PPHLN1: variants seen among roughly 807,000 people sequenced by gnomAD.
The protein encoded by PPHLN1 is periphilin 1.
PPHLN1 carries 29 observed loss-of-function variants against 51.3 expected under a neutral mutation model. The observed-to-expected ratio is 0.57, with a 90% CI of 0.42 to 0.77. PPHLN1 has a LOEUF of 0.77. Among genes scored for constraint, PPHLN1 ranks in the 30% least tolerant of loss-of-function variants. PPHLN1 has a pLI of 0.00. For missense variants in PPHLN1, 436 were observed against 438.4 expected, an observed-to-expected ratio of 0.99 and a Z score of 0.05; for synonymous variants, 147 against 147.8, an observed-to-expected ratio of 0.99 and a Z score of 0.04.
At chr12:42,414,896 G>C (rs1023230045) in intron 9 of PPHLN1, among the ~76,000 whole-genome samples, 1 of 151,934 alleles carries the variant, frequency 6.6e-6, no homozygotes, top group African/African-American at 2.4e-5. Flanking sequence ...ATTGTTTATC[G>C]CTCATGTTAT....
intron 9 of PPHLN1, among the ~76,000 whole-genome samples, chr12:42,409,546 A>T (rs948675414): frequency 6.6e-6 from 1 of 152,148 alleles, no homozygotes; most frequent in Non-Finnish European, 1.5e-5. Context: ...TATTTTAATC[A>T]TACAATCCCC....
chr12:42,435,810 G>A (rs899972939), intron 9 of PPHLN1, among the ~76,000 whole-genome samples: 6 of 151,924 alleles, frequency 3.9e-5, no homozygotes, highest in African/African-American at 1.5e-4. Context: ...TAATTTACTA[G>A]ATCACCACTT....
chr12:42,432,434 G>A (rs978611278), intron 9 of PPHLN1: 2 of 758,052 alleles, frequency 2.6e-6, no homozygotes, highest in Non-Finnish European at 4.9e-6. Context: ...AAATACAAAT[G>A]GAATCATACT....
At chr12:42,376,309 G>A (rs2076259941) in intron 5 of PPHLN1, among the ~76,000 whole-genome samples, 1 of 152,102 alleles carries the variant, frequency 6.6e-6, no homozygotes, top group Non-Finnish European at 1.5e-5. Context: ...TGAAAGTGAT[G>A]GAAAACCATT....
intron 9 of PPHLN1, among the ~76,000 whole-genome samples, chr12:42,417,748 T>TGAG (rs2080528028): frequency 6.6e-6 from 1 of 152,108 alleles, no homozygotes; most frequent in Non-Finnish European, 1.5e-5. Context: ...TCTTTTACTT[T>TGAG]TTAACTCAGT....
intron 1 of PPHLN1, among the ~76,000 whole-genome samples, chr12:42,329,106 T>TG (rs1205053856): frequency 1.2e-3 from 169 of 139,632 alleles, no homozygotes; most frequent in African/African-American, 2.7e-3. Flanking sequence ...TTTTTTTTTT[T>TG]TTTGTGTGTG....
At chr12:42,340,710 A>G (rs963742722) in intron 2 of PPHLN1, among the ~76,000 whole-genome samples, 4 of 152,224 alleles carry the variant, frequency 2.6e-5, no homozygotes, top group African/African-American at 7.2e-5. Flanking sequence ...TGCGCTGGGA[A>G]TATTCTCTTT....
At chr12:42,383,723 G>A (rs952822047) in intron 5 of PPHLN1, among the ~76,000 whole-genome samples, 6 of 152,172 alleles carry the variant, frequency 3.9e-5, no homozygotes, top group Admixed American at 3.9e-4. Flanking sequence ...GCTCACGCCT[G>A]TAATCCCAGC....
intron 1 of PPHLN1, among the ~76,000 whole-genome samples, chr12:42,332,143 AC>A (rs1346854492): frequency 6.6e-6 from 1 of 152,154 alleles, no homozygotes; most frequent in Non-Finnish European, 1.5e-5. Context: ...GGTCAAGGCT[AC>A]AGTGAGGTGT....
At chr12:42,371,272 A>T (rs1198402506) in intron 4 of PPHLN1, among the ~76,000 whole-genome samples, 3 of 151,666 alleles carry the variant, frequency 2.0e-5, no homozygotes, top group Non-Finnish European at 2.9e-5. Context: ...AGTGGGTGCC[A>T]CCTCGCTCAG....
downstream of PPHLN1, chr12:42,443,761 C>G (rs1415711155): frequency 6.6e-6 from 1 of 152,152 alleles, no homozygotes; most frequent in African/African-American, 2.4e-5. Context: ...CTATGGGGCC[C>G]CTTCAACAGG....
chr12:42,414,018 G>GT (rs1402047695), intron 9 of PPHLN1, among the ~76,000 whole-genome samples: 1 of 105,230 alleles, frequency 9.5e-6, no homozygotes, highest in African/African-American at 3.6e-5. Flanking sequence ...TGATGTTGGT[G>GT]TTTTATTTTA....
At chr12:42,355,282 T>C in intron 4 of PPHLN1, 60 bp downstream of exon 4, 1 of 1,405,904 alleles carries the variant, frequency 7.1e-7, no homozygotes, top group Admixed American at 1.7e-5. Flanking sequence ...TGATGTCTGC[T>C]TTGGAAATAT....
intron 1 of PPHLN1, 42 bp from the exon 2 acceptor site, chr12:42,335,841 A>T (rs769380464): frequency 1.7e-6 from 2 of 1,155,224 alleles, no homozygotes; most frequent in Non-Finnish European, 2.4e-6. Context: ...CTTTTCTGTT[A>T]CTTCCTAGTA....
chr12:42,411,925 G>T (rs1336642278), intron 9 of PPHLN1, among the ~76,000 whole-genome samples: 2 of 87,864 alleles, frequency 2.3e-5, no homozygotes, highest in Non-Finnish European at 2.5e-5. Context: ...AAAAAAAAAG[G>T]GCTGGGCGCG....
At chr12:42,357,419 A>G (rs2074165842) in intron 4 of PPHLN1, among the ~76,000 whole-genome samples, 1 of 152,212 alleles carries the variant, frequency 6.6e-6, no homozygotes. Flanking sequence ...TGTTGATGTC[A>G]AATAGACCAG....
chr12:42,332,648 C>T, intron 1 of PPHLN1: 3 of 1,564,966 alleles, frequency 1.9e-6, no homozygotes, highest in Non-Finnish European at 2.6e-6. Context: ...TCTGTATTTC[C>T]CCCCCTTACA....
chr12:42,331,318 A>G (rs1263300590), intron 1 of PPHLN1, among the ~76,000 whole-genome samples: 8 of 152,268 alleles, frequency 5.3e-5, no homozygotes, highest in Admixed American at 2.0e-4. Flanking sequence ...CAGAGTTACT[A>G]TAGCCTAAGT....
intron 9 of PPHLN1, 30 bp downstream of exon 9, chr12:42,399,024 A>G (rs1454252255): frequency 1.9e-6 from 3 of 1,607,518 alleles, no homozygotes; most frequent in Non-Finnish European, 2.6e-6. Flanking sequence ...CATGTACATA[A>G]TTTTTGTTTG....
Sources: allele counts gnomAD v4.1 joint callset (sites outside exome capture counted in the v4.1 genomes callset), GRCh38; gene constraint gnomAD v4.1.1; transcripts MANE v1.5; gene names NCBI Gene and HGNC (gene_info 2026-07-23, HGNC 2026-07-21).